SAPCD2: variants seen among roughly 807,000 people sequenced by gnomAD.
SAPCD2 encodes the protein suppressor APC domain-containing protein 2.
In SAPCD2, 34 loss-of-function variants were observed where a neutral mutation model predicts 37.8. The observed-to-expected ratio is 0.90, with a 90% CI of 0.68 to 1.20. The LOEUF is 1.20. SAPCD2 is among the 50% of genes most tolerant of loss of function. SAPCD2 has a pLI of 0.00. For synonymous variants in SAPCD2, 275 were observed against 270.3 expected (o/e 1.02, Z -0.17); for missense variants, 572 against 584.7 (o/e 0.98, Z 0.22).
intron 4 of SAPCD2, 30 bp from the exon 5 acceptor site, chr9:137,065,009 G>A: frequency 6.7e-7 from 1 of 1,495,216 alleles, no homozygotes; most frequent in South Asian, 1.2e-5. Flanking sequence ...GGCAGGCCTG[G>A]ACGAGGGCGG....
chr9:137,064,306 CTGAAGATGGGA>C lies in SAPCD2; in HGVS notation c.*342_*352del, dbSNP rs1294898651. 1 of 347,672 alleles carries C rather than the reference CTGAAGATGGGA, an allele frequency of 2.9e-6. No homozygotes were observed. Among genetic ancestry groups the C allele is most frequent in the African/African-American group, 2.2e-5 (1 of 45,708 alleles). 21.5% of individuals were successfully genotyped at this position (347,672 alleles called of 1,614,324 possible). ...AGCCTGGCGTGGGCAGTGCCTTTCC[CTGAAGATGGGA>C]CCCAGGGCGGCACCGCTGGAAACGG... is the stretch of plus-strand genomic sequence containing the variant. On this transcript the variant is annotated 3_prime_UTR_variant, in exon 6 of 6. Transcript: ENST00000409687.
At chr9:137,068,087 A>G (rs1009882229) in intron 1 of SAPCD2, among the ~76,000 whole-genome samples, 1 of 152,324 alleles carries the variant, frequency 6.6e-6, no homozygotes, top group African/African-American at 2.4e-5. Context: ...GCACCTGGCC[A>G]CAGGAGTCAG....
At chr9:137,066,193 C>T (rs1455069690) in intron 2 of SAPCD2, 69 bp downstream of exon 2, 8 of 1,262,400 alleles carry the variant, frequency 6.3e-6, no homozygotes, top group East Asian at 2.5e-5. Flanking sequence ...CAAGGCCCCC[C>T]TGCTCCCATC....
intron 1 of SAPCD2, among the ~76,000 whole-genome samples, chr9:137,067,588 A>G (rs1832565194): frequency 6.6e-6 from 1 of 151,118 alleles, no homozygotes; most frequent in African/African-American, 2.4e-5. Context: ...AGCCTAGCCA[A>G]CATGGTGAAA....
intron 2 of SAPCD2, among the ~76,000 whole-genome samples, chr9:137,065,974 T>A (rs1298560819): frequency 6.6e-6 from 1 of 152,126 alleles, no homozygotes; most frequent in Non-Finnish European, 1.5e-5. Flanking sequence ...CCTCCCGAAG[T>A]CTGCCTGTGG....
rs1554746650 is a variant in SAPCD2 at position 137,062,314 on chromosome 9, T to TC, written c.*2344_*2345insG. The stretch of plus-strand genomic sequence containing the variant: ...GGATCTCTCATTTTCTTTCTTTCTT[T>TC]TTTTTTTTTGTAGAGATGGGGTCTC... On this transcript the variant is annotated 3_prime_UTR_variant, in exon 6 of 6. Transcript: ENST00000409687. 2 of 151,642 alleles carry TC rather than the reference T, an allele frequency of 1.3e-5. No individual in the cohort carries two copies. The highest frequency in any genetic ancestry group is 4.8e-5 in the African/African-American group (2 of 41,300). The allele number at this position is 151,642 out of a possible 1,614,324, so 9.4% of individuals were successfully genotyped here.
chr9:137,067,643 A>C (rs537064496), intron 1 of SAPCD2, among the ~76,000 whole-genome samples: 1 of 150,890 alleles, frequency 6.6e-6, no homozygotes, highest in Non-Finnish European at 1.5e-5. Flanking sequence ...GCGTGGTGGC[A>C]TGCACCTGTA....
At chr9:137,069,086 C>T (rs1421832629) in intron 1 of SAPCD2, among the ~76,000 whole-genome samples, 1 of 152,256 alleles carries the variant, frequency 6.6e-6, no homozygotes, top group Non-Finnish European at 1.5e-5. Flanking sequence ...AACGGGTGCA[C>T]AGGCCGAATG....
In SAPCD2 at chr9:137,063,525, G is replaced by GC. The variant is rs1212307427; in HGVS notation, c.*1133dup. 1.4e-5 allele frequency: 1 copy of GC among 73,530 alleles called. No individual in the cohort carries two copies. The highest frequency in any genetic ancestry group is 3.5e-4 in the South Asian group (1 of 2,872). The allele number at this position is 73,530 out of a possible 1,614,324, so 4.6% of individuals were successfully genotyped here. On this transcript the variant is annotated 3_prime_UTR_variant, in exon 6 of 6. Transcript: ENST00000409687. ...CCCGCATCGGCATCGGGGGCCCTGC[G>GC]CCCCCCACGCACTGACCCCGCATCG...
In SAPCD2 at chr9:137,064,095, C is replaced by T. The variant is rs1268584477; in HGVS notation, c.*564G>A. ...CCTTGGCCAGAACCTGAAGTCCGAC[C>T]GCTATCCCTGGGGCTCCCCAGCCAG... On this transcript the variant is annotated 3_prime_UTR_variant, in exon 6 of 6. Coordinates refer to ENST00000409687, the MANE Select transcript of SAPCD2 (RefSeq NM_178448.4). 5.8e-6 allele frequency: 1 copy of T among 171,234 alleles called. No homozygotes were observed. The highest frequency in any genetic ancestry group is 1.3e-5 in the Non-Finnish European group (1 of 79,130). 10.6% of individuals were successfully genotyped at this position (171,234 alleles called of 1,614,324 possible). A position where few individuals can be genotyped will look rare whatever the true frequency, so the allele number is the denominator to read the frequency against.
Position 137,065,549 on chromosome 9 carries a change from G to T in SAPCD2, c.804C>A (p.Arg268=). The T allele has an allele frequency of 6.2e-7, 1 of 1,606,562 alleles. No individual in the cohort carries two copies. The highest frequency in any genetic ancestry group is 8.5e-7 in the Non-Finnish European group (1 of 1,176,130). The part of the protein sequence containing the change: ...QQLQRVQERQ[R]RLGQSRASAD... ...CGCTGGCTCTGCTCTGGCCCAGGCG[G>T]CGCTGGCGCTCCTGCACTCGTTGCA... is the stretch of plus-strand genomic sequence containing the variant. Residue 268 remains arginine (R), a synonymous_variant, in exon 3 of 6, where the codon CGC becomes CGA. Coordinates refer to ENST00000409687, the MANE Select transcript of SAPCD2 (RefSeq NM_178448.4).
intron 1 of SAPCD2, among the ~76,000 whole-genome samples, chr9:137,067,851 G>T (rs962258959): frequency 2.0e-5 from 3 of 149,600 alleles, no homozygotes; most frequent in East Asian, 2.0e-4. Flanking sequence ...GACAAGTCAG[G>T]CACGTCCTGG....
chr9:137,065,788 T>C, intron 2 of SAPCD2, 120 bp from the exon 3 acceptor site: 1 of 1,285,060 alleles, frequency 7.8e-7, no homozygotes, highest in Non-Finnish European at 1.1e-6. Context: ...GCAGCACGTG[T>C]ACACGTTTGC....
chr9:137,064,954 G>A lies in SAPCD2; in HGVS notation c.965C>T (p.Pro322Leu). The change falls in exon 5 of 6, where the codon CCC (proline) becomes CTC (leucine). Residue 322 changes from proline (P) to leucine (L), a missense_variant. By Grantham distance (98) the Pro-to-Leu change is moderately conservative. Transcript: ENST00000409687. ...GGTGGACGTCAGGGCAGGGCAGGGG[G>A]GCCCGGAGGAGGACGGGGGCAGGGC... ...SRALPPSSSG[P>L]PCPALTSTSP... is the part of the protein sequence containing the mutation. 6.5e-7 allele frequency: 1 copy of A among 1,547,960 alleles called. No homozygotes were observed. Among genetic ancestry groups the A allele is most frequent in the African/African-American group, 1.4e-5 (1 of 73,218 alleles).
rs3750517 is a variant in SAPCD2 at position 137,063,844 on chromosome 9, T to C, written c.*815A>G. 0.2 allele frequency: 30,236 copies of C among 152,214 alleles called. 3,516 individuals are homozygous for C. The highest frequency in any genetic ancestry group is 0.35 in the East Asian group (1,787 of 5,164). The allele number at this position is 152,214 out of a possible 1,614,324, so 9.4% of individuals were successfully genotyped here. On this transcript the variant is annotated 3_prime_UTR_variant, in exon 6 of 6. Transcript: ENST00000409687. ...AGGGGGGTGAGCAGGACCCCAGGCC[T>C]TGGAAATCCTGAGTCGGGGGAACAG...
Position 137,070,079 on chromosome 9 carries a change from C to G in SAPCD2, c.382G>C (p.Ala128Pro). 1 of 1,193,152 alleles carries G rather than the reference C, an allele frequency of 8.4e-7. No individual in the cohort carries two copies. The allele number at this position is 1,193,152 out of a possible 1,614,324, so 73.9% of individuals were successfully genotyped here. A position where few individuals can be genotyped will look rare whatever the true frequency, so the allele number is the denominator to read the frequency against. ...PPPQRLVFAP[A>P]DEPRTVLERK... ...TCCAGGACCGTCCGCGGCTCGTCGG[C>G]CGGAGCGAACACCAGGCGCTGCGGC... The change falls in exon 1 of 6, where the codon GCC becomes CCC. Residue 128 changes from alanine (A) to proline (P), a missense_variant. Physicochemically the swap from Ala to Pro is conservative, Grantham distance 27. Transcript: ENST00000409687.
chr9:137,062,777 C>CCTGATTTCAAG lies in SAPCD2; in HGVS notation c.*1871_*1881dup, dbSNP rs1372723052. On this transcript the variant is annotated 3_prime_UTR_variant, in exon 6 of 6. Transcript: ENST00000409687. ...CGTGGTCTCCAGGGCCACTCACTAG[C>CCTGATTTCAAG]CTGATTTCAAGCTGTAAACTGGGAG... 2 of 152,242 alleles carry CCTGATTTCAAG rather than the reference C, an allele frequency of 1.3e-5. No individual in the cohort carries two copies. Among genetic ancestry groups the CCTGATTTCAAG allele is most frequent in the African/African-American group, 2.4e-5 (1 of 41,460 alleles). 9.4% of individuals were successfully genotyped at this position (152,242 alleles called of 1,614,324 possible).
At position 137,070,281 on chromosome 9, in the gene SAPCD2, G is replaced by A. The variant is rs770777465; in HGVS notation, c.180C>T (p.Asp60=). The A allele has an allele frequency of 3.4e-6, 5 of 1,460,562 alleles. No individual in the cohort carries two copies. The East Asian group carries it at 1.5e-4, about 43-fold the overall frequency. The allele number at this position is 1,460,562 out of a possible 1,614,324, so 90.5% of individuals were successfully genotyped here. Residue 60 remains aspartate (D), a synonymous_variant, in exon 1 of 6, where the codon GAC becomes GAT. Coordinates refer to ENST00000409687, the MANE Select transcript of SAPCD2 (RefSeq NM_178448.4). ...GCACCCCGCGGGGCAGCTCCCGCGC[G>A]TCGGTGCCCTGCCAGCGGGACTCGA... ...REIESRWQGT[D]ARELPRGVLE...
chr9:137,068,653 G>A (rs1376785994), intron 1 of SAPCD2, among the ~76,000 whole-genome samples: 3 of 152,238 alleles, frequency 2.0e-5, no homozygotes, highest in Non-Finnish European at 1.5e-5. Flanking sequence ...GCCTGTGAGA[G>A]GGTGACAGCT....
Sources: gnomAD v4.1 joint callset for allele counts (sites outside exome capture counted in the v4.1 genomes callset) on GRCh38, gnomAD v4.1.1 for gene constraint, MANE v1.5 for transcripts, NCBI Gene and HGNC (gene_info 2026-07-23, HGNC 2026-07-21) for gene names.